Variants in DPYD observed in about 807,000 individuals in gnomAD.
DPYD encodes the protein dihydropyrimidine dehydrogenase [NADP(+)].
A neutral mutation model predicts 116.2 loss-of-function variants in DPYD; 109 were observed. The observed-to-expected ratio is 0.94, with a 90% CI of 0.80 to 1.10. DPYD has a LOEUF of 1.10. Among genes scored for constraint, DPYD ranks in the 50% least tolerant of loss-of-function variants. The pLI is 0.00. For synonymous variants in DPYD, 440 were observed against 432.0 expected (o/e 1.02, Z -0.23); for missense variants, 1,302 against 1,254.5 (o/e 1.04, Z -0.57).
At chr1:97,715,784 C>CA (rs1662579922) in intron 5 of DPYD, among the ~76,000 whole-genome samples, 1 of 152,136 alleles carries the variant, frequency 6.6e-6, no homozygotes, top group South Asian at 2.1e-4. Flanking sequence ...ACGGGGCTTG[C>CA]ACTTAATATT....
chr1:97,379,686 T>C (rs993972273), intron 15 of DPYD, among the ~76,000 whole-genome samples: 2 of 152,134 alleles, frequency 1.3e-5, no homozygotes, highest in African/African-American at 4.8e-5. Context: ...TCACACCCCA[T>C]GCTAGCAAAT....
chr1:97,290,092 G>T (rs1666029681), intron 18 of DPYD, among the ~76,000 whole-genome samples: 1 of 152,108 alleles, frequency 6.6e-6, no homozygotes, highest in Non-Finnish European at 1.5e-5. Flanking sequence ...ATTCACAATT[G>T]CTTCAAAGAG....
At chr1:97,539,941 A>G (rs1486820534) in intron 12 of DPYD, among the ~76,000 whole-genome samples, 1 of 152,174 alleles carries the variant, frequency 6.6e-6, no homozygotes, top group Non-Finnish European at 1.5e-5. Flanking sequence ...TACTAGAACA[A>G]AGTAAGTGCT....
chr1:97,587,186 C>T (rs1654185679), intron 10 of DPYD, among the ~76,000 whole-genome samples: 1 of 152,126 alleles, frequency 6.6e-6, no homozygotes, highest in South Asian at 2.1e-4. Flanking sequence ...ATGTGTCATC[C>T]CCCTGTCATC....
At chr1:97,603,978 C>T (rs775653693) in intron 8 of DPYD, among the ~76,000 whole-genome samples, 1 of 152,062 alleles carries the variant, frequency 6.6e-6, no homozygotes, top group Non-Finnish European at 1.5e-5. Flanking sequence ...AGCTAAGAAT[C>T]GTTCTGAATT....
chr1:97,376,323 A>G (rs10875079), intron 15 of DPYD, among the ~76,000 whole-genome samples: 65,222 of 152,098 alleles, frequency 0.43, 14,522 homozygotes, highest in Admixed American at 0.52. Flanking sequence ...ATATCCTTAC[A>G]GCTTCCAAGC....
At chr1:97,566,903 T>C (rs1570972097) in intron 11 of DPYD, among the ~76,000 whole-genome samples, 1 of 152,172 alleles carries the variant, frequency 6.6e-6, no homozygotes. Flanking sequence ...ATAAGTTACA[T>C]TTTAATAAGG....
At chr1:97,324,444 G>C (rs1668606770) in intron 16 of DPYD, among the ~76,000 whole-genome samples, 1 of 151,998 alleles carries the variant, frequency 6.6e-6, no homozygotes, top group Non-Finnish European at 1.5e-5. Flanking sequence ...TTGTGGTCAA[G>C]GTAGCCAGGA....
intron 7 of DPYD, among the ~76,000 whole-genome samples, chr1:97,682,100 T>A (rs974812678): frequency 2.0e-5 from 3 of 151,990 alleles, no homozygotes; most frequent in African/African-American, 7.3e-5. Flanking sequence ...AGAGTGAAAA[T>A]GTCTTTGATT....
At chr1:97,697,365 T>G (rs1051931766) in intron 6 of DPYD, among the ~76,000 whole-genome samples, 1 of 152,082 alleles carries the variant, frequency 6.6e-6, no homozygotes, top group South Asian at 2.1e-4. Flanking sequence ...CTTTAAGCAA[T>G]TGATTTCAAA....
chr1:97,086,263 G>T (rs185586319), intron 21 of DPYD, among the ~76,000 whole-genome samples: 1 of 151,814 alleles, frequency 6.6e-6, no homozygotes, highest in African/African-American at 2.4e-5. Flanking sequence ...ATATTGGCCC[G>T]GCTGGTCTCA....
intron 16 of DPYD, among the ~76,000 whole-genome samples, chr1:97,323,281 T>C (rs945283587): frequency 6.8e-6 from 1 of 146,874 alleles, no homozygotes; most frequent in African/African-American, 2.6e-5. Context: ...TATGTACACG[T>C]ATATATACAT....
At chr1:97,453,675 T>C (rs1490808306) in intron 13 of DPYD, among the ~76,000 whole-genome samples, 3 of 152,130 alleles carry the variant, frequency 2.0e-5, no homozygotes, top group Admixed American at 6.6e-5. Flanking sequence ...TCATCAGTAA[T>C]ACCTCAAAGC....
At chr1:97,386,442 G>C (rs1672353352) in intron 14 of DPYD, among the ~76,000 whole-genome samples, 1 of 152,028 alleles carries the variant, frequency 6.6e-6, no homozygotes, top group South Asian at 2.1e-4. Context: ...ACACAGGATG[G>C]AGAGAGATCC....
At chr1:97,269,553 A>G (rs553182144) in intron 18 of DPYD, among the ~76,000 whole-genome samples, 68 of 152,328 alleles carry the variant, frequency 4.5e-4, no homozygotes, top group African/African-American at 1.6e-3. Context: ...TGGGTAATTT[A>G]TAATGAACAG....
At chr1:97,500,474 T>C (rs1001072991) in intron 13 of DPYD, among the ~76,000 whole-genome samples, 1 of 152,070 alleles carries the variant, frequency 6.6e-6, no homozygotes, top group Non-Finnish European at 1.5e-5. Context: ...TCAAATGTCT[T>C]CTAATCAGTC....
At chr1:97,172,759 T>C (rs1656824092) in intron 20 of DPYD, among the ~76,000 whole-genome samples, 1 of 152,156 alleles carries the variant, frequency 6.6e-6, no homozygotes. Flanking sequence ...GAGAAGGAAT[T>C]AATTATCCAA....
chr1:97,103,392 A>G (rs1650896261), intron 20 of DPYD, among the ~76,000 whole-genome samples: 1 of 152,112 alleles, frequency 6.6e-6, no homozygotes, highest in African/African-American at 2.4e-5. Context: ...ATGTTTCATG[A>G]TATTATCAAA....
intron 3 of DPYD, among the ~76,000 whole-genome samples, chr1:97,765,451 T>C (rs551481536): frequency 1.3e-5 from 2 of 152,312 alleles, no homozygotes; most frequent in African/African-American, 2.4e-5. Flanking sequence ...GAACCAGCTA[T>C]GTAAGACAGC....
Sources: gnomAD v4.1 joint callset for allele counts (sites outside exome capture counted in the v4.1 genomes callset) on GRCh38, gnomAD v4.1.1 for gene constraint, MANE v1.5 for transcripts, NCBI Gene and HGNC (gene_info 2026-07-23, HGNC 2026-07-21) for gene names.